The following SYT6 variants were observed in gnomAD, a reference collection of about 807,000 sequenced individuals.
SYT6 encodes synaptotagmin 6.
Under a neutral mutation model 38.4 loss-of-function variants are expected in SYT6, and 24 were observed. That is an observed-to-expected ratio of 0.62 (90% CI 0.45 to 0.88). The LOEUF (loss-of-function observed/expected upper bound fraction) is 0.88. Among genes scored for constraint, SYT6 ranks in the 40% least tolerant of loss-of-function variants. SYT6 has a pLI of 0.00. For synonymous variants in SYT6, 265 were observed against 241.9 expected (o/e 1.10, Z -0.89); for missense variants, 611 against 621.0 (o/e 0.98, Z 0.17).
chr1:114,121,475 G>T (rs954844173), intron 3 of SYT6, among the ~76,000 whole-genome samples: 7 of 152,270 alleles, frequency 4.6e-5, no homozygotes, highest in Admixed American at 2.0e-4. Context: ...CATTCACATT[G>T]TTTTCTAAGC....
chr1:114,120,396 T>G (rs563507966), intron 3 of SYT6, among the ~76,000 whole-genome samples: 94 of 152,322 alleles, frequency 6.2e-4, no homozygotes, highest in African/African-American at 2.2e-3. Flanking sequence ...ATGCTTCAAG[T>G]CAGTTGTGTG....
intron 3 of SYT6, among the ~76,000 whole-genome samples, chr1:114,122,361 T>A (rs560591511): frequency 1.4e-4 from 21 of 152,266 alleles, no homozygotes; most frequent in African/African-American, 4.8e-4. Context: ...AAAATGTCCC[T>A]CTCTTGGGGA....
At chr1:114,118,371 C>A (rs1003633083) in intron 3 of SYT6, among the ~76,000 whole-genome samples, 5 of 152,210 alleles carry the variant, frequency 3.3e-5, no homozygotes, top group Admixed American at 2.6e-4. Flanking sequence ...TGCAGAGTGG[C>A]AGAAACAGAG....
intron 6 of SYT6, among the ~76,000 whole-genome samples, chr1:114,094,678 T>C (rs1485500800): frequency 6.6e-6 from 1 of 152,180 alleles, no homozygotes; most frequent in Non-Finnish European, 1.5e-5. Context: ...AAAGAAATGA[T>C]CACAGCACTT....
intron 3 of SYT6, 52 bp downstream of exon 3, chr1:114,137,443 C>A: frequency 6.4e-7 from 1 of 1,566,886 alleles, no homozygotes; most frequent in South Asian, 1.2e-5. Context: ...CATGTCCCAC[C>A]CAACCCAGAA....
chr1:114,127,309 C>A (rs1382225848), intron 3 of SYT6, among the ~76,000 whole-genome samples: 1 of 152,190 alleles, frequency 6.6e-6, no homozygotes, highest in Admixed American at 6.5e-5. Flanking sequence ...GACTTGACTC[C>A]TGGATTGACC....
At position 114,093,791 on chromosome 1, in the gene SYT6, A is replaced by G. The variant is rs1227104494; in HGVS notation, c.1528T>C (p.Leu510=). ...KKSFKEGNPR[L] ...CAGCATCCACGTGAATGAAATCACA[A>G]CCGAGGGTTTCCCTGGTGAAATATT... The change falls in exon 7 of 8, where the codon TTG becomes CTG. Residue 510 remains leucine, a synonymous_variant. Coordinates refer to ENST00000610222, the MANE Select transcript of SYT6 (RefSeq NM_001253772.2). 1.2e-6 allele frequency: 2 copies of G among 1,614,148 alleles called. No individual in the cohort carries two copies. Among genetic ancestry groups the G allele is most frequent in the South Asian group, 1.1e-5 (1 of 91,082 alleles).
chr1:114,134,295 C>T (rs1425783483), intron 3 of SYT6, among the ~76,000 whole-genome samples: 1 of 152,322 alleles, frequency 6.6e-6, no homozygotes, highest in Non-Finnish European at 1.5e-5. Flanking sequence ...ACTTGAGCTG[C>T]TTCTCCTCCA....
At chr1:114,132,572 G>A (rs1197464542) in intron 3 of SYT6, among the ~76,000 whole-genome samples, 1 of 152,222 alleles carries the variant, frequency 6.6e-6, no homozygotes, top group Non-Finnish European at 1.5e-5. Flanking sequence ...GCAGCCCAGA[G>A]ATGGAAAGTC....
At chr1:114,147,432 T>C (rs1175233074) in intron 1 of SYT6, among the ~76,000 whole-genome samples, 2 of 152,262 alleles carry the variant, frequency 1.3e-5, no homozygotes, top group Non-Finnish European at 2.9e-5. Flanking sequence ...CATTCAGGCA[T>C]CAGAGGAGCT....
At chr1:114,149,684 C>G (rs1319951077) in intron 1 of SYT6, among the ~76,000 whole-genome samples, 3 of 151,932 alleles carry the variant, frequency 2.0e-5, no homozygotes, top group African/African-American at 7.3e-5. Flanking sequence ...CTTGAGGGGT[C>G]AGGGCATGTG....
At chr1:114,098,850 G>A (rs1399016312) in intron 5 of SYT6, among the ~76,000 whole-genome samples, 2 of 152,200 alleles carry the variant, frequency 1.3e-5, no homozygotes, top group East Asian at 3.8e-4. Context: ...TGAATTCAGG[G>A]AAACTGATGG....
chr1:114,141,771 C>A (rs980570599), intron 1 of SYT6, among the ~76,000 whole-genome samples: 12 of 152,228 alleles, frequency 7.9e-5, no homozygotes, highest in Non-Finnish European at 1.3e-4. Flanking sequence ...GGGGCTAACA[C>A]AGCTGATGAC....
Position 114,128,614 on chromosome 1 carries a change from G to A in SYT6, c.1071+8881C>T, listed in dbSNP as rs558242474. Among the ~76,000 whole-genome samples the A allele has an allele frequency of 1.6e-4, 25 of 152,304 alleles. No individual in the cohort carries two copies. In the South Asian group the frequency reaches 3.1e-3, roughly 19 times the overall value. ...CACCAAAGCGGCCCTTGTCAAGGCC[G>A]ATGATAAGCTCCTTGATGCTGAACA... On this transcript the variant is annotated intron_variant, in intron 3 of 7. Transcript: ENST00000610222.
At chr1:114,099,373 G>A in intron 4 of SYT6, 108 bp from the exon 5 acceptor site, 1 of 1,152,126 alleles carries the variant, frequency 8.7e-7, no homozygotes, top group East Asian at 2.5e-5. Context: ...CTGCTCATCA[G>A]ATGGTATCAG....
intron 3 of SYT6, among the ~76,000 whole-genome samples, chr1:114,126,894 A>G (rs748767978): frequency 2.0e-5 from 3 of 152,160 alleles, no homozygotes; most frequent in African/African-American, 4.8e-5. Context: ...TGAGTGGGCA[A>G]TGGGGCTGTC....
intron 3 of SYT6, among the ~76,000 whole-genome samples, chr1:114,108,379 C>A (rs919916816): frequency 3.9e-5 from 6 of 152,120 alleles, no homozygotes; most frequent in African/African-American, 1.4e-4. Context: ...AAAAAGAGAT[C>A]CTATTTGTGG....
chr1:114,115,662 G>A (rs1047947747), intron 3 of SYT6, among the ~76,000 whole-genome samples: 5 of 152,028 alleles, frequency 3.3e-5, no homozygotes, highest in Non-Finnish European at 5.9e-5. Context: ...TGATCTGCCC[G>A]CCTCGGCCTC....
intron 3 of SYT6, among the ~76,000 whole-genome samples, chr1:114,136,281 T>C (rs756086245): frequency 6.6e-6 from 1 of 152,124 alleles, no homozygotes; most frequent in Admixed American, 6.5e-5. Flanking sequence ...CACAGAGATA[T>C]TGAGTATTGA....
Sources: allele counts gnomAD v4.1 joint callset (sites outside exome capture counted in the v4.1 genomes callset), GRCh38; gene constraint gnomAD v4.1.1; transcripts MANE v1.5; gene names NCBI Gene and HGNC (gene_info 2026-07-23, HGNC 2026-07-21).